The following DIPK1B variants were observed in gnomAD, a reference collection of about 807,000 sequenced individuals.
DIPK1B encodes the protein family with sequence similarity 69 member B.
A neutral mutation model predicts 20.7 loss-of-function variants in DIPK1B; 17 were observed. The ratio of observed to expected loss-of-function variants is 0.82; its 90% CI spans 0.56 to 1.23. The LOEUF (loss-of-function observed/expected upper bound fraction) is 1.23, where lower values mean the gene tolerates loss of function less well. DIPK1B is among the 50% of genes most tolerant of loss of function. The pLI, the probability that DIPK1B is intolerant of heterozygous loss-of-function variation, is 0.00. For missense variants in DIPK1B, 648 were observed against 601.8 expected (o/e 1.08, Z -0.80); for synonymous variants, 343 against 276.5 (o/e 1.24, Z -2.39).
rs1054232457 is a variant in DIPK1B, at chr9:136,721,727, C to T, written c.199-194C>T. 1.7e-5 allele frequency: 10 copies of T among 588,712 alleles called. No individual in the cohort carries two copies. In the African/African-American group the frequency reaches 1.9e-4, roughly 11 times the overall value. 36.5% of individuals were successfully genotyped at this position (588,712 alleles called of 1,614,324 possible). A position where few individuals can be genotyped will look rare whatever the true frequency, so the allele number is the denominator to read the frequency against. On this transcript the variant is annotated intron_variant, in intron 2 of 4. Coordinates refer to ENST00000371692, the MANE Select transcript of DIPK1B (RefSeq NM_152421.4). ...CCGGACCGGAGGGTTGGCGGGGCTG[C>T]CCCTGCAGCCGACAGCCCCATCCTG...
chr9:136,717,089 C>T (rs1372682986), intron 1 of DIPK1B, among the ~76,000 whole-genome samples: 2 of 151,910 alleles, frequency 1.3e-5, no homozygotes, highest in African/African-American at 2.4e-5. Context: ...ATTAGCTGGT[C>T]GTGGTGGTGC....
intron 2 of DIPK1B, chr9:136,721,609 G>T: frequency 3.0e-6 from 1 of 336,536 alleles, no homozygotes; most frequent in Non-Finnish European, 5.6e-6. Flanking sequence ...GCCCTGGCGT[G>T]GGGTCGACAC....
intron 2 of DIPK1B, among the ~76,000 whole-genome samples, chr9:136,718,380 A>G (rs1356869601): frequency 1.3e-5 from 2 of 152,148 alleles, no homozygotes. Flanking sequence ...CACAGCCTCC[A>G]CCTCAGGGAG....
rs1588287757 is a variant in DIPK1B, at chr9:136,724,157, G to A, written c.*383G>A. ...GTTGAGCCCCTGAATCCTTCCTGGC[G>A]AGGCAGCCCTCAGGTGTTAGTCCAA... On this transcript the variant is annotated 3_prime_UTR_variant, in exon 5 of 5. Transcript: ENST00000371692. 3.9e-6 allele frequency: 1 copy of A among 253,226 alleles called. No homozygotes were observed. The highest frequency in any genetic ancestry group is 7.8e-6 in the Non-Finnish European group (1 of 128,672). 15.7% of individuals were successfully genotyped at this position (253,226 alleles called of 1,614,324 possible).
At position 136,723,511 on chromosome 9, in the gene DIPK1B, G is replaced by A. The variant is rs753082317; in HGVS notation, c.1033G>A (p.Asp345Asn). ...CAGCACCGACTGCACCTACGGGCGC[G>A]ACTGCAGGGCCCCGTGTGACAGGCT... ...EHSTDCTYGR[D>N]CRAPCDRLMR... is the part of the protein sequence containing the mutation. Residue 345 changes from aspartate (D) to asparagine (N), a missense_variant, in exon 5 of 5, where the codon GAC (aspartate) becomes AAC (asparagine). Transcript: ENST00000371692. 4.4e-6 allele frequency: 7 copies of A among 1,602,990 alleles called. No homozygotes were observed. The highest frequency in any genetic ancestry group is 2.2e-5 in the East Asian group (1 of 44,462).
chr9:136,721,487 CTGG>C (rs1377166351), intron 2 of DIPK1B: 1 of 183,000 alleles, frequency 5.5e-6, no homozygotes, highest in Non-Finnish European at 1.1e-5. Context: ...CGTGTGGCAG[CTGG>C]TGGTGTAGAT....
At chr9:136,721,701 A>G in intron 2 of DIPK1B, 24 of 557,902 alleles carry the variant, frequency 4.3e-5, no homozygotes, top group South Asian at 2.0e-4. Flanking sequence ...TGGGGACGGG[A>G]CCGGACCGGA....
At chr9:136,720,383 G>A (rs544991573) in intron 2 of DIPK1B, among the ~76,000 whole-genome samples, 9 of 152,230 alleles carry the variant, frequency 5.9e-5, no homozygotes, top group South Asian at 2.1e-4. Context: ...CCTGGAGGGC[G>A]GGGTGTTCCG....
chr9:136,715,039 C>G (rs1408879536), intron 1 of DIPK1B, among the ~76,000 whole-genome samples: 1 of 152,242 alleles, frequency 6.6e-6, no homozygotes, highest in Non-Finnish European at 1.5e-5. Flanking sequence ...GATGGGGGCT[C>G]TGGCTTGGGC....
At chr9:136,719,900 T>C in intron 2 of DIPK1B, among the ~76,000 whole-genome samples, 1 of 142,360 alleles carries the variant, frequency 7.0e-6, no homozygotes, top group African/African-American at 2.6e-5. Flanking sequence ...CTGTGTGATC[T>C]GGGGCTCCGA....
At chr9:136,714,634 T>C (rs1378136909) in intron 1 of DIPK1B, among the ~76,000 whole-genome samples, 1 of 152,238 alleles carries the variant, frequency 6.6e-6, no homozygotes, top group Non-Finnish European at 1.5e-5. Flanking sequence ...ATTGTTTCTC[T>C]GCTTTCCTGT....
At chr9:136,722,478 C>T in intron 4 of DIPK1B, 177 bp downstream of exon 4, 1 of 803,546 alleles carries the variant, frequency 1.2e-6, no homozygotes, top group East Asian at 2.7e-5. Flanking sequence ...GGAGCCTCTC[C>T]AGGGCTGGGG....
intron 1 of DIPK1B, among the ~76,000 whole-genome samples, chr9:136,713,781 C>G (rs556169269): frequency 7.2e-5 from 11 of 152,222 alleles, no homozygotes; most frequent in Admixed American, 5.9e-4. Context: ...GTGGCTGGCT[C>G]GGGGCCAGAG....
intron 1 of DIPK1B, among the ~76,000 whole-genome samples, chr9:136,713,333 G>A (rs1224375909): frequency 6.6e-6 from 1 of 152,198 alleles, no homozygotes; most frequent in Non-Finnish European, 1.5e-5. Context: ...CCCGGCCTCG[G>A]ATGGGATGCC....
chr9:136,721,507 G>A (rs983234195), intron 2 of DIPK1B: 20 of 207,632 alleles, frequency 9.6e-5, no homozygotes, highest in South Asian at 5.6e-4. Context: ...AGATATTAGG[G>A]ACTAGTGTGA....
Position 136,722,884 on chromosome 9 carries a change from A to G in DIPK1B, c.484-78A>G, listed in dbSNP as rs565241417. On this transcript the variant is annotated intron_variant, in intron 4 of 4. Coordinates refer to ENST00000371692, the MANE Select transcript of DIPK1B (RefSeq NM_152421.4). Reference sequence around the variant, plus strand: ...CTGGCCGGCAGACCACCCCGCCAGGAGGACCAGGTAAAGGCCAGGTCGTGC... The same window carrying G: ...CTGGCCGGCAGACCACCCCGCCAGGGGGACCAGGTAAAGGCCAGGTCGTGC... 1.1e-5 allele frequency: 16 copies of G among 1,422,752 alleles called. No homozygotes were observed. The East Asian group carries it at 3.9e-4, about 35-fold the overall frequency. The allele number at this position is 1,422,752 out of a possible 1,614,324, so 88.1% of individuals were successfully genotyped here.
In DIPK1B at chr9:136,722,152, G is replaced by T. The variant is rs1263331359; in HGVS notation, c.334G>T (p.Asp112Tyr). Residue 112 changes from aspartate to tyrosine, a missense_variant, in exon 4 of 5, where the codon GAT becomes TAT. Transcript: ENST00000371692. ...GTACAGCGGGCTCTGGCGGGACAAG[G>T]ATGTAACCATCAAGTGTGGCATTGA... ...QVYSGLWRDK[D>Y]VTIKCGIEET... The T allele has an allele frequency of 6.2e-7, 1 of 1,614,036 alleles. No individual in the cohort carries two copies. The highest frequency in any genetic ancestry group is 8.5e-7 in the Non-Finnish European group (1 of 1,180,004).
chr9:136,722,905 C>A, intron 4 of DIPK1B, 57 bp from the exon 5 acceptor site: 1 of 1,500,320 alleles, frequency 6.7e-7, no homozygotes, highest in South Asian at 1.3e-5. Flanking sequence ...AAGGCCAGGT[C>A]GTGCTCCCAG....
chr9:136,722,434 C>T lies in DIPK1B; in HGVS notation c.483+133C>T, dbSNP rs1011149375. The T allele has an allele frequency of 1.2e-5, 13 of 1,058,576 alleles. 1 individual carries two copies. Among genetic ancestry groups the T allele is most frequent in the African/African-American group, 9.5e-5 (6 of 63,432 alleles). The allele number at this position is 1,058,576 out of a possible 1,614,324, so 65.6% of individuals were successfully genotyped here. ...AGTGGACCCTGGGCAGACCTCCCAT[C>T]CCCCAGCCCCTGGGCATGAGCCCTG... is the stretch of plus-strand genomic sequence containing the variant. On this transcript the variant is annotated intron_variant, in intron 4 of 4. Coordinates refer to ENST00000371692, the MANE Select transcript of DIPK1B (RefSeq NM_152421.4).
Sources: allele counts gnomAD v4.1 joint callset (sites outside exome capture counted in the v4.1 genomes callset), GRCh38; gene constraint gnomAD v4.1.1; transcripts MANE v1.5; gene names NCBI Gene and HGNC (gene_info 2026-07-23, HGNC 2026-07-21).